Variants in TECPR2 observed in about 807,000 individuals in gnomAD.
The protein encoded by TECPR2 is tectonin beta-propeller repeat-containing protein 2.
In TECPR2, 65 loss-of-function variants were observed where a neutral mutation model predicts 138.1. That is an observed-to-expected ratio of 0.47 (90% CI 0.39 to 0.58). TECPR2 has a LOEUF of 0.58. Among genes scored for constraint, TECPR2 ranks in the 20% least tolerant of loss-of-function variants. The pLI is 0.00. For synonymous variants in TECPR2, 746 were observed against 749.8 expected (o/e 0.99, Z 0.08); for missense variants, 1,553 against 1,824.5 (o/e 0.85, Z 2.71).
Position 102,501,226 on chromosome 14 carries a change from C to G in TECPR2, c.*2969C>G, listed in dbSNP as rs971816558. ...GGGGGTGTCACAACTAATGTGGCCACTGCTTCATTCTCTGGGCAAAATAAT... is the reference window on the plus strand; with the variant it reads ...GGGGGTGTCACAACTAATGTGGCCAGTGCTTCATTCTCTGGGCAAAATAAT... On this transcript the variant is annotated 3_prime_UTR_variant, in exon 20 of 20. Coordinates refer to ENST00000359520, the MANE Select transcript of TECPR2 (RefSeq NM_014844.5). 1.3e-5 allele frequency: 2 copies of G among 152,200 alleles called. No individual in the cohort carries two copies. Among genetic ancestry groups the G allele is most frequent in the Non-Finnish European group, 2.9e-5 (2 of 68,044 alleles). The allele number at this position is 152,200 out of a possible 1,614,324, so 9.4% of individuals were successfully genotyped here.
intron 13 of TECPR2, among the ~76,000 whole-genome samples, chr14:102,448,461 T>C (rs944163345): frequency 2.6e-5 from 4 of 152,236 alleles, no homozygotes; most frequent in African/African-American, 9.6e-5. Flanking sequence ...AGGAATGTTA[T>C]AGAAGCAAGC....
At chr14:102,407,553 A>T (rs1888692726) in intron 3 of TECPR2, 87 bp downstream of exon 3, 1 of 1,476,924 alleles carries the variant, frequency 6.8e-7, no homozygotes, top group Admixed American at 2.2e-5. Flanking sequence ...CTGCTTAGAA[A>T]GTTTATGCTC....
At chr14:102,441,777 G>A (rs1889842888) in intron 11 of TECPR2, among the ~76,000 whole-genome samples, 1 of 152,150 alleles carries the variant, frequency 6.6e-6, no homozygotes, top group African/African-American at 2.4e-5. Flanking sequence ...GGGCACAGTG[G>A]GACTTGCTTA....
chr14:102,375,331 G>T (rs1196606177), intron 1 of TECPR2, among the ~76,000 whole-genome samples: 2 of 152,022 alleles, frequency 1.3e-5, no homozygotes, highest in Non-Finnish European at 2.9e-5. Context: ...GGGTCACAGA[G>T]TGAGACTGTG....
intron 17 of TECPR2, among the ~76,000 whole-genome samples, chr14:102,492,868 T>G (rs900104027): frequency 6.6e-6 from 1 of 152,208 alleles, no homozygotes; most frequent in Non-Finnish European, 1.5e-5. Flanking sequence ...AGGCTGTTAA[T>G]GGGCGGAGGC....
At chr14:102,452,312 A>C in intron 15 of TECPR2, 82 bp from the exon 16 acceptor site, 1 of 1,420,864 alleles carries the variant, frequency 7.0e-7, no homozygotes, top group Non-Finnish European at 9.6e-7. Flanking sequence ...GTCTGCTGAA[A>C]GGCAAAGGCT....
intron 2 of TECPR2, among the ~76,000 whole-genome samples, chr14:102,391,717 C>T (rs915142793): frequency 6.6e-6 from 1 of 152,186 alleles, no homozygotes; most frequent in Admixed American, 6.5e-5. Context: ...CTGCACCTGG[C>T]AGAGTTGATC....
At chr14:102,436,770 T>C (rs936236640) in intron 9 of TECPR2, among the ~76,000 whole-genome samples, 3 of 152,232 alleles carry the variant, frequency 2.0e-5, no homozygotes, top group Non-Finnish European at 4.4e-5. Flanking sequence ...CCTCAGAGTC[T>C]TGAGGGGGAG....
chr14:102,425,157 C>T lies in TECPR2; in HGVS notation c.817C>T (p.Arg273Cys), dbSNP rs1366382155. The T allele has an allele frequency of 1.1e-5, 17 of 1,613,992 alleles. No homozygotes were observed. Among genetic ancestry groups the T allele is most frequent in the Admixed American group, 3.3e-5 (2 of 59,994 alleles). The part of the protein sequence containing the change: ...GGVKPFELHP[R>C]LESPNSGSCS... ...AGTCAAGCCTTTTGAACTGCACCCG[C>T]GTCTGGAATCCCCCAACAGTGGAAG... Residue 273 changes from arginine to cysteine, a missense_variant, in exon 6 of 20, where the codon CGT becomes TGT. Transcript: ENST00000359520.
In TECPR2 at chr14:102,435,095, C is replaced by T. The variant is rs1889624229; in HGVS notation, c.2278C>T (p.His760Tyr). The T allele has an allele frequency of 1.2e-6, 2 of 1,613,886 alleles. No homozygotes were observed. Among genetic ancestry groups the T allele is most frequent in the African/African-American group, 2.7e-5 (2 of 75,046 alleles). Reference protein sequence around the residue: ...TSSDEEDIYAHGLPSSSSETS... With the variant: ...TSSDEEDIYAYGLPSSSSETS... Reference sequence around the variant, plus strand: ...CAGCGATGAGGAGGACATCTATGCCCACGGGCTTCCTTCTTCATCCTCAGA... The same window carrying T: ...CAGCGATGAGGAGGACATCTATGCCTACGGGCTTCCTTCTTCATCCTCAGA... The change falls in exon 9 of 20, where the codon CAC becomes TAC. Residue 760 changes from histidine (H) to tyrosine (Y), a missense_variant. Transcript: ENST00000359520.
At chr14:102,400,043 CTTTTCTTT>C (rs1888432254) in intron 2 of TECPR2, among the ~76,000 whole-genome samples, 1 of 142,532 alleles carries the variant, frequency 7.0e-6, no homozygotes. Context: ...ATTTTCTTTT[CTTTTCTTT>C]TTTTTTTTTT....
At position 102,433,774 on chromosome 14, in the gene TECPR2, G is replaced by A. The variant is rs181352029; in HGVS notation, c.1418-461G>A. Among the ~76,000 whole-genome samples the A allele has an allele frequency of 6.8e-4, 103 of 152,080 alleles. 1 individual carries two copies. Among genetic ancestry groups the A allele is most frequent in the Admixed American group, 9.8e-4 (15 of 15,248 alleles). ...TGACCTAAGGTGGCCCACCCGCCTCGGCCTCCCAAAGTGCTAGGATGGCTT... is the reference window on the plus strand; with the variant it reads ...TGACCTAAGGTGGCCCACCCGCCTCAGCCTCCCAAAGTGCTAGGATGGCTT... On this transcript the variant is annotated intron_variant, in intron 8 of 19. Coordinates refer to ENST00000359520, the MANE Select transcript of TECPR2 (RefSeq NM_014844.5).
chr14:102,406,893 T>C (rs556707590), intron 2 of TECPR2, among the ~76,000 whole-genome samples: 20 of 152,324 alleles, frequency 1.3e-4, no homozygotes, highest in African/African-American at 4.1e-4. Flanking sequence ...AGAGTCTTGC[T>C]CTGTCGCCCA....
intron 5 of TECPR2, among the ~76,000 whole-genome samples, chr14:102,418,263 C>T (rs1318626926): frequency 1.3e-5 from 2 of 152,204 alleles, no homozygotes; most frequent in Non-Finnish European, 2.9e-5. Context: ...TGCGCCAAGC[C>T]TCTGCCCTGC....
At chr14:102,479,542 T>C (rs1173812585) in intron 17 of TECPR2, among the ~76,000 whole-genome samples, 2 of 152,112 alleles carry the variant, frequency 1.3e-5, no homozygotes, top group African/African-American at 4.8e-5. Context: ...AGGACCCAAA[T>C]GGAGAAGGTC....
At chr14:102,387,009 A>C (rs1347227866) in intron 2 of TECPR2, among the ~76,000 whole-genome samples, 1 of 152,222 alleles carries the variant, frequency 6.6e-6, no homozygotes, top group Admixed American at 6.5e-5. Flanking sequence ...AGGATATGGA[A>C]TACAGATGCG....
intron 17 of TECPR2, among the ~76,000 whole-genome samples, chr14:102,471,369 T>C (rs1012133161): frequency 6.6e-6 from 1 of 152,206 alleles, no homozygotes; most frequent in Non-Finnish European, 1.5e-5. Context: ...GTAATACTTT[T>C]TATTTCTGTG....
At chr14:102,384,629 A>C (rs1195422924) in intron 2 of TECPR2, among the ~76,000 whole-genome samples, 1 of 150,984 alleles carries the variant, frequency 6.6e-6, no homozygotes, top group Non-Finnish European at 1.5e-5. Flanking sequence ...GTGAGCCAAG[A>C]CTGCACCACT....
intron 13 of TECPR2, among the ~76,000 whole-genome samples, chr14:102,446,555 A>G (rs1185145318): frequency 6.6e-6 from 1 of 152,054 alleles, no homozygotes; most frequent in Non-Finnish European, 1.5e-5. Flanking sequence ...AGATCACACC[A>G]CCACACTCCA....
Sources: gnomAD v4.1 joint callset for allele counts (sites outside exome capture counted in the v4.1 genomes callset) on GRCh38, gnomAD v4.1.1 for gene constraint, MANE v1.5 for transcripts, NCBI Gene and HGNC (gene_info 2026-07-23, HGNC 2026-07-21) for gene names.